Variants in RAB3C observed in about 807,000 individuals in gnomAD.
The protein encoded by RAB3C is ras-related protein Rab-3C.
Under a neutral mutation model 26.4 loss-of-function variants are expected in RAB3C, and 17 were observed. The observed-to-expected ratio is 0.64, with a 90% confidence interval of 0.44 to 0.97. The LOEUF (loss-of-function observed/expected upper bound fraction) is 0.97, where lower values mean the gene tolerates loss of function less well. Ranked by LOEUF, RAB3C falls within the 50% of genes least tolerant of loss-of-function variation. RAB3C has a pLI of 0.00. For missense variants in RAB3C, 242 were observed against 281.9 expected (o/e 0.86, Z 1.01); for synonymous variants, 91 against 95.9 (o/e 0.95, Z 0.30).
chr5:58,782,267 A>AT (rs1333281177), intron 3 of RAB3C, among the ~76,000 whole-genome samples: 1 of 152,146 alleles, frequency 6.6e-6, no homozygotes, highest in Non-Finnish European at 1.5e-5. Flanking sequence ...CATCCTTGAC[A>AT]TAAGTGAGCT....
chr5:58,730,950 G>T (rs1741004528), intron 3 of RAB3C, among the ~76,000 whole-genome samples: 1 of 152,074 alleles, frequency 6.6e-6, no homozygotes, highest in African/African-American at 2.4e-5. Context: ...TTACATGGCA[G>T]CAGGCAAGAA....
chr5:58,780,033 T>C (rs1370800994), intron 3 of RAB3C, among the ~76,000 whole-genome samples: 1 of 152,078 alleles, frequency 6.6e-6, no homozygotes, highest in Non-Finnish European at 1.5e-5. Context: ...AGGGACCCCA[T>C]CTTCATGATG....
At chr5:58,604,079 T>C (rs1418207908) in intron 1 of RAB3C, among the ~76,000 whole-genome samples, 1 of 152,236 alleles carries the variant, frequency 6.6e-6, no homozygotes, top group Admixed American at 6.5e-5. Context: ...GTTGTCTGTC[T>C]TCTGGGTCTA....
At chr5:58,839,600 C>T (rs1743831574) in intron 4 of RAB3C, among the ~76,000 whole-genome samples, 1 of 152,002 alleles carries the variant, frequency 6.6e-6, no homozygotes, top group Non-Finnish European at 1.5e-5. Context: ...GAACTCCCAA[C>T]CTCAGGTGAT....
At chr5:58,739,349 T>C (rs1741225186) in intron 3 of RAB3C, among the ~76,000 whole-genome samples, 1 of 152,350 alleles carries the variant, frequency 6.6e-6, no homozygotes, top group Non-Finnish European at 1.5e-5. Context: ...CTACTCTCTA[T>C]GTATTTTCAA....
intron 4 of RAB3C, among the ~76,000 whole-genome samples, chr5:58,838,770 A>G (rs1025953406): frequency 2.0e-5 from 3 of 152,292 alleles, no homozygotes; most frequent in African/African-American, 4.8e-5. Flanking sequence ...GGATGACCCA[A>G]TGCTGATGGT....
At chr5:58,797,351 A>AT (rs1742683277) in intron 3 of RAB3C, among the ~76,000 whole-genome samples, 2 of 22,092 alleles carry the variant, frequency 9.1e-5, no homozygotes, top group African/African-American at 3.1e-4. Context: ...AAAAAAAAAA[A>AT]AAATATGTAT....
intron 3 of RAB3C, among the ~76,000 whole-genome samples, chr5:58,804,897 C>T (rs1162233190): frequency 6.6e-6 from 1 of 151,256 alleles, no homozygotes; most frequent in Non-Finnish European, 1.5e-5. Context: ...GGTCACTTTC[C>T]TTATTTTTTT....
At chr5:58,699,220 C>G (rs573562507) in intron 2 of RAB3C, among the ~76,000 whole-genome samples, 2 of 152,160 alleles carry the variant, frequency 1.3e-5, no homozygotes, top group African/African-American at 2.4e-5. Flanking sequence ...TGCTGGAGTT[C>G]CACTCCAGAC....
intron 3 of RAB3C, among the ~76,000 whole-genome samples, chr5:58,795,661 TTATC>T (rs1233071882): frequency 2.0e-5 from 3 of 152,110 alleles, no homozygotes; most frequent in Non-Finnish European, 4.4e-5. Context: ...AGGTATAACT[TTATC>T]TGTCTCACTG....
chr5:58,820,864 A>G (rs1743323965), intron 3 of RAB3C, among the ~76,000 whole-genome samples: 1 of 152,188 alleles, frequency 6.6e-6, no homozygotes, highest in Non-Finnish European at 1.5e-5. Flanking sequence ...ATGTGCATAA[A>G]TGTATAACCT....
intron 1 of RAB3C, among the ~76,000 whole-genome samples, chr5:58,586,744 G>A (rs898304482): frequency 2.6e-5 from 4 of 151,800 alleles, no homozygotes; most frequent in Admixed American, 2.6e-4. Flanking sequence ...AAAAAAAAAT[G>A]TTTGGCTAAA....
At chr5:58,683,244 A>G (rs780625971) in intron 2 of RAB3C, among the ~76,000 whole-genome samples, 1 of 152,248 alleles carries the variant, frequency 6.6e-6, no homozygotes. Flanking sequence ...CACTTTTATA[A>G]GTTTTAAAGC....
chr5:58,826,290 G>C (rs1743475135), intron 4 of RAB3C, among the ~76,000 whole-genome samples: 1 of 152,140 alleles, frequency 6.6e-6, no homozygotes, highest in Non-Finnish European at 1.5e-5. Context: ...CTGAAGGAGA[G>C]TAGAATTTGC....
intron 2 of RAB3C, among the ~76,000 whole-genome samples, chr5:58,641,757 G>T (rs2111769623): frequency 6.6e-6 from 1 of 152,328 alleles, no homozygotes; most frequent in South Asian, 2.1e-4. Flanking sequence ...TTCTATGACT[G>T]GGGAGAAGTC....
intron 3 of RAB3C, among the ~76,000 whole-genome samples, chr5:58,802,241 T>G (rs1298264995): frequency 6.6e-6 from 1 of 152,218 alleles, no homozygotes; most frequent in East Asian, 1.9e-4. Context: ...ATTAGAGAGC[T>G]TCTTATTGTT....
At chr5:58,726,466 T>C (rs887848875) in intron 3 of RAB3C, among the ~76,000 whole-genome samples, 1 of 151,976 alleles carries the variant, frequency 6.6e-6, no homozygotes. Context: ...CTAGAAACTA[T>C]GGCTCTTGCG....
At chr5:58,828,433 A>G (rs1043531792) in intron 4 of RAB3C, among the ~76,000 whole-genome samples, 1 of 151,702 alleles carries the variant, frequency 6.6e-6, no homozygotes, top group Non-Finnish European at 1.5e-5. Flanking sequence ...CTCCTCCTTT[A>G]TCCATCTCCT....
At chr5:58,615,356 T>G (rs995398887) in intron 1 of RAB3C, among the ~76,000 whole-genome samples, 2 of 152,126 alleles carry the variant, frequency 1.3e-5, no homozygotes, top group South Asian at 4.1e-4. Flanking sequence ...CCAGTCTGGT[T>G]CATATGAAAA....
Sources: gnomAD v4.1 joint callset for allele counts (sites outside exome capture counted in the v4.1 genomes callset) on GRCh38, gnomAD v4.1.1 for gene constraint, MANE v1.5 for transcripts, NCBI Gene and HGNC (gene_info 2026-07-23, HGNC 2026-07-21) for gene names.